Variants in PIGU observed in about 807,000 individuals in gnomAD.
The protein encoded by PIGU is phosphatidylinositol glycan anchor biosynthesis class U.
A neutral mutation model predicts 49.9 loss-of-function variants in PIGU; 24 were observed. The ratio of observed to expected loss-of-function variants is 0.48; its 90% confidence interval spans 0.35 to 0.68. PIGU has a LOEUF of 0.68. PIGU is among the 30% of genes least tolerant of loss of function. PIGU has a pLI of 0.01. For synonymous variants in PIGU, 220 were observed against 205.7 expected, an observed-to-expected ratio of 1.07 and a Z score of -0.59; for missense variants, 490 against 532.6, an observed-to-expected ratio of 0.92 and a Z score of 0.79.
chr20:34,580,011 G>A (rs1186128485), intron 10 of PIGU, among the ~76,000 whole-genome samples: 1 of 152,176 alleles, frequency 6.6e-6, no homozygotes, highest in Non-Finnish European at 1.5e-5. Context: ...GCTCAGAAAG[G>A]TTAAATGATG....
intron 7 of PIGU, among the ~76,000 whole-genome samples, chr20:34,590,666 T>C (rs1427456170): frequency 4.7e-5 from 7 of 148,920 alleles, no homozygotes; most frequent in Admixed American, 4.0e-4. Flanking sequence ...ACATAAATCA[T>C]GTTGTTAGGA....
At chr20:34,661,862 A>G (rs755808561) in intron 1 of PIGU, among the ~76,000 whole-genome samples, 1 of 152,134 alleles carries the variant, frequency 6.6e-6, no homozygotes, top group Non-Finnish European at 1.5e-5. Context: ...TTTTCTCCAC[A>G]ACCTTGCCAG....
At chr20:34,616,712 T>C (rs563704200) in intron 6 of PIGU, among the ~76,000 whole-genome samples, 1 of 152,216 alleles carries the variant, frequency 6.6e-6, no homozygotes, top group South Asian at 2.1e-4. Context: ...TATTAAGAAT[T>C]TGCAATGACT....
At chr20:34,574,825 C>T (rs927245668) in intron 11 of PIGU, among the ~76,000 whole-genome samples, 3 of 152,138 alleles carry the variant, frequency 2.0e-5, no homozygotes, top group African/African-American at 7.2e-5. Context: ...GCCTCTGTCC[C>T]TCATTTGTAA....
At chr20:34,597,870 T>A (rs1402127998) in intron 7 of PIGU, among the ~76,000 whole-genome samples, 1 of 152,176 alleles carries the variant, frequency 6.6e-6, no homozygotes, top group East Asian at 1.9e-4. Context: ...GCCATACATA[T>A]GTGGTAACAC....
In PIGU at chr20:34,655,587, T is replaced by C. The variant is rs868184189; in HGVS notation, c.195+1593A>G. ...TACTCCGGAGGCTGAGGCAGGAGAA[T>C]GGCGTGAACCCAGGAGGCAGAGCTT... On this transcript the variant is annotated intron_variant, in intron 2 of 11. Transcript: ENST00000217446. 2.5e-5 allele frequency among the ~76,000 whole-genome samples: 3 copies of C among 120,458 alleles called. 1 individual carries two copies. In the South Asian group the frequency reaches 7.3e-4, roughly 29 times the overall value. The allele number at this position is 120,458 out of a possible 152,430, so 79.0% of individuals were successfully genotyped here. A position where few individuals can be genotyped will look rare whatever the true frequency, so the allele number is the denominator to read the frequency against.
chr20:34,676,051 T>G (rs989475348), intron 1 of PIGU, among the ~76,000 whole-genome samples: 7 of 148,556 alleles, frequency 4.7e-5, no homozygotes, highest in East Asian at 3.9e-4. Context: ...AAGTTGTTTG[T>G]TTTTTTTTAA....
intron 7 of PIGU, among the ~76,000 whole-genome samples, chr20:34,589,591 A>G (rs1412202012): frequency 1.3e-5 from 2 of 149,798 alleles, no homozygotes; most frequent in African/African-American, 4.9e-5. Flanking sequence ...GACCTCGTGA[A>G]TCACCCACCT....
At chr20:34,572,330 G>T (rs1186873471) in intron 11 of PIGU, among the ~76,000 whole-genome samples, 1 of 151,800 alleles carries the variant, frequency 6.6e-6, no homozygotes, top group Non-Finnish European at 1.5e-5. Flanking sequence ...CACCAGGCCC[G>T]GCTGCAAGGC....
At chr20:34,628,506 C>T (rs1416246404) in intron 6 of PIGU, among the ~76,000 whole-genome samples, 1 of 152,008 alleles carries the variant, frequency 6.6e-6, no homozygotes, top group African/African-American at 2.4e-5. Context: ...ATGATACATA[C>T]ATTGGTTAAA....
chr20:34,608,091 T>TTTTTTA (rs1984683432), intron 7 of PIGU, among the ~76,000 whole-genome samples: 1 of 112,386 alleles, frequency 8.9e-6, no homozygotes. Flanking sequence ...TTTTTTTTTT[T>TTTTTTA]GAGACAAGAA....
chr20:34,562,983 A>G (rs1689392720), intron 11 of PIGU, among the ~76,000 whole-genome samples: 1 of 152,202 alleles, frequency 6.6e-6, no homozygotes, highest in South Asian at 2.1e-4. Flanking sequence ...ACAACAATCA[A>G]AACGAAGCAA....
chr20:34,676,844 C>T (rs966192459), intron 1 of PIGU, 112 bp downstream of exon 1: 2 of 1,317,782 alleles, frequency 1.5e-6, no homozygotes, highest in Non-Finnish European at 2.1e-6. Context: ...ACGAGACAGT[C>T]AGTTAGTTCT....
chr20:34,635,678 C>T (rs757401040), intron 5 of PIGU, among the ~76,000 whole-genome samples: 11 of 150,804 alleles, frequency 7.3e-5, no homozygotes, highest in Non-Finnish European at 1.3e-4. Context: ...GAGTTTGAGA[C>T]CAGCCTGACC....
At chr20:34,563,138 C>T (rs1044708537) in intron 11 of PIGU, among the ~76,000 whole-genome samples, 18 of 152,182 alleles carry the variant, frequency 1.2e-4, no homozygotes, top group East Asian at 3.9e-4. Context: ...TAATATAAAA[C>T]GGAAAAACGT....
At chr20:34,671,351 C>A (rs182727860) in intron 1 of PIGU, among the ~76,000 whole-genome samples, 30 of 151,968 alleles carry the variant, frequency 2.0e-4, no homozygotes, top group Middle Eastern at 6.8e-3. Context: ...AACCTCTGCC[C>A]CCCGGGTTCA....
chr20:34,582,706 C>A lies in PIGU; in HGVS notation c.927-1034G>T, dbSNP rs1056603280. On this transcript the variant is annotated intron_variant, in intron 9 of 11. Transcript: ENST00000217446. ...AAAAGAAAAAAAAAAAGTAGGCAAT[C>A]CTCTCACCTGTACTTCACAGATGAG... Among the ~76,000 whole-genome samples, 4 of 152,026 alleles carry A rather than the reference C, an allele frequency of 2.6e-5. No individual in the cohort carries two copies. In the South Asian group the frequency reaches 8.3e-4, roughly 32 times the overall value.
At chr20:34,651,143 G>A (rs2146777887) in intron 2 of PIGU, among the ~76,000 whole-genome samples, 1 of 152,190 alleles carries the variant, frequency 6.6e-6, no homozygotes, top group Non-Finnish European at 1.5e-5. Flanking sequence ...TTCACTTTAG[G>A]GATTGAGCTA....
rs141252146 is a variant in PIGU at position 34,590,146 on chromosome 20, A to G, written c.628-1539T>C. 2.0e-4 allele frequency among the ~76,000 whole-genome samples: 31 copies of G among 152,266 alleles called. 1 individual carries two copies. The South Asian group carries it at 6.2e-3, about 31-fold the overall frequency. On this transcript the variant is annotated intron_variant, in intron 7 of 11. Coordinates refer to ENST00000217446, the MANE Select transcript of PIGU (RefSeq NM_080476.5). ...AGAGAAATAATTTATTGTTGTAAGA[A>G]AAAGGAAAATAAGAATTACCAGAAA...
Sources: allele counts gnomAD v4.1 joint callset (sites outside exome capture counted in the v4.1 genomes callset), GRCh38; gene constraint gnomAD v4.1.1; transcripts MANE v1.5; gene names NCBI Gene and HGNC (gene_info 2026-07-23, HGNC 2026-07-21).